CBFA2T3: variants seen among roughly 807,000 people sequenced by gnomAD.
CBFA2T3 encodes CBFA2/RUNX1 partner transcriptional co-repressor 3.
In CBFA2T3, 31 loss-of-function variants were observed where a neutral mutation model predicts 58.6. The ratio of observed to expected loss-of-function variants is 0.53; its 90% confidence interval spans 0.40 to 0.71. The LOEUF is 0.71. Ranked by LOEUF, CBFA2T3 falls within the 30% of genes least tolerant of loss-of-function variation. CBFA2T3 has a pLI of 0.00. For synonymous variants in CBFA2T3, 531 were observed against 421.9 expected (o/e 1.26, Z -3.17); for missense variants, 1,076 against 963.1 (o/e 1.12, Z -1.55).
In CBFA2T3 at chr16:88,876,585, CAT is replaced by C; in HGVS notation, c.*389_*390del. 3.8e-6 allele frequency: 1 copy of C among 261,172 alleles called. No individual in the cohort carries two copies. The highest frequency in any genetic ancestry group is 7.1e-6 in the Non-Finnish European group (1 of 139,978). The allele number at this position is 261,172 out of a possible 1,614,324, so 16.2% of individuals were successfully genotyped here. ...CATTGAAGAGAAAGTGTGTGATAGT[CAT>C]AGAGAGAGAGAGGATAGAGAAGACA... On this transcript the variant is annotated 3_prime_UTR_variant, in exon 12 of 12. Transcript: ENST00000268679.
chr16:88,951,468 A>G (rs1167284513), intron 1 of CBFA2T3: 15 of 378,110 alleles, frequency 4.0e-5, no homozygotes, highest in Admixed American at 2.5e-4. Flanking sequence ...GAATTTTCCT[A>G]TAAGTATTTT....
chr16:88,893,484 C>T (rs1452687673), intron 3 of CBFA2T3, among the ~76,000 whole-genome samples: 1 of 152,222 alleles, frequency 6.6e-6, no homozygotes, highest in Non-Finnish European at 1.5e-5. Flanking sequence ...TTCATTTGCA[C>T]ACAGCCCCAA....
At chr16:88,936,288 G>C (rs1338601664) in intron 1 of CBFA2T3, among the ~76,000 whole-genome samples, 1 of 152,196 alleles carries the variant, frequency 6.6e-6, no homozygotes, top group Admixed American at 6.5e-5. Context: ...CCCACCTGCT[G>C]CCTCCCCGGT....
chr16:88,974,825 C>G (rs1336875586), intron 1 of CBFA2T3, among the ~76,000 whole-genome samples: 1 of 152,082 alleles, frequency 6.6e-6, no homozygotes, highest in Non-Finnish European at 1.5e-5. Context: ...GGCTTTCTGG[C>G]ATCACAAGGC....
intron 5 of CBFA2T3, chr16:88,887,023 G>C (rs925126367): frequency 6.6e-6 from 1 of 152,284 alleles, no homozygotes; most frequent in Non-Finnish European, 1.5e-5. Context: ...GCTGCCGCGG[G>C]AGGGCGGACA....
At chr16:88,891,389 TCTC>T (rs1478369478) in intron 5 of CBFA2T3, among the ~76,000 whole-genome samples, 5 of 152,084 alleles carry the variant, frequency 3.3e-5, no homozygotes, top group East Asian at 1.9e-4. Flanking sequence ...TCGGAATACT[TCTC>T]CACCACGTGC....
At chr16:88,941,205 G>T in intron 1 of CBFA2T3, 1 of 979,208 alleles carries the variant, frequency 1.0e-6, no homozygotes, top group Non-Finnish European at 1.2e-6. Flanking sequence ...GGCCGCCTGG[G>T]CCATGCCGGG....
chr16:88,925,921 A>G (rs868286325), intron 1 of CBFA2T3, among the ~76,000 whole-genome samples: 30 of 152,292 alleles, frequency 2.0e-4, no homozygotes, highest in Middle Eastern at 3.4e-3. Context: ...GATGATTTTT[A>G]AAAGAGAGGC....
In CBFA2T3 at chr16:88,874,895, A is replaced by G. The variant is rs974442339; in HGVS notation, c.*2081T>C. 3 of 232,116 alleles carry G rather than the reference A, an allele frequency of 1.3e-5. No homozygotes were observed. In the Admixed American group the frequency reaches 1.7e-4, roughly 13 times the overall value. 14.4% of individuals were successfully genotyped at this position (232,116 alleles called of 1,614,324 possible). A position where few individuals can be genotyped will look rare whatever the true frequency, so the allele number is the denominator to read the frequency against. On this transcript the variant is annotated 3_prime_UTR_variant, in exon 12 of 12. Coordinates refer to ENST00000268679, the MANE Select transcript of CBFA2T3 (RefSeq NM_005187.6). ...TTTTTATTTGGCAAACATCTCGTTTATTACCATCATGAATATCATTTGGAC... is the reference window on the plus strand; with the variant it reads ...TTTTTATTTGGCAAACATCTCGTTTGTTACCATCATGAATATCATTTGGAC...
intron 2 of CBFA2T3, among the ~76,000 whole-genome samples, 197 bp from the exon 3 acceptor site, chr16:88,898,349 G>A (rs1259129339): frequency 6.6e-6 from 1 of 152,104 alleles, no homozygotes; most frequent in African/African-American, 2.4e-5. Flanking sequence ...GGAGGGGCCT[G>A]GGCAGGAGAC....
At position 88,875,777 on chromosome 16, in the gene CBFA2T3, A is replaced by G. The variant is rs977672954; in HGVS notation, c.*1199T>C. ...AAAGATTGTCACAGTTTTGTTTCGG[A>G]ATTATGCTCTCTCTGGGAAGAAAAC... is the stretch of plus-strand genomic sequence containing the variant. On this transcript the variant is annotated 3_prime_UTR_variant, in exon 12 of 12. Coordinates refer to ENST00000268679, the MANE Select transcript of CBFA2T3 (RefSeq NM_005187.6). The G allele has an allele frequency of 4.3e-6, 1 of 233,440 alleles. No homozygotes were observed. The highest frequency in any genetic ancestry group is 2.2e-5 in the African/African-American group (1 of 45,300). 14.5% of individuals were successfully genotyped at this position (233,440 alleles called of 1,614,324 possible). A position where few individuals can be genotyped will look rare whatever the true frequency, so the allele number is the denominator to read the frequency against.
At chr16:88,898,254 T>C in intron 2 of CBFA2T3, 102 bp from the exon 3 acceptor site, 1 of 892,490 alleles carries the variant, frequency 1.1e-6, no homozygotes, top group East Asian at 2.4e-5. Flanking sequence ...CTCAGAGTGA[T>C]TTTTGGTGGG....
At chr16:88,954,311 G>T (rs1257138140) in intron 1 of CBFA2T3, among the ~76,000 whole-genome samples, 1 of 151,774 alleles carries the variant, frequency 6.6e-6, no homozygotes, top group African/African-American at 2.4e-5. Context: ...CCCACCCAAG[G>T]GTCCTGACCC....
In CBFA2T3 at chr16:88,918,838, T is replaced by TCG. The variant is rs559365858; in HGVS notation, c.152-17184_152-17183dup. 4.1e-3 allele frequency among the ~76,000 whole-genome samples: 630 copies of TCG among 152,210 alleles called. 5 individuals are homozygous for TCG. The highest frequency in any genetic ancestry group is 0.015 in the African/African-American group (604 of 41,534). On this transcript the variant is annotated intron_variant, in intron 1 of 11. Coordinates refer to ENST00000268679, the MANE Select transcript of CBFA2T3 (RefSeq NM_005187.6). ...CCTCCAGGGTTGGTGCTGAGAGAGGTCGGAGCTGCAGGCTCGCCGGGTTAT... is the reference window on the plus strand; with the variant it reads ...CCTCCAGGGTTGGTGCTGAGAGAGGTCGCGGAGCTGCAGGCTCGCCGGGTTAT...
At chr16:88,906,735 C>CG (rs1970351151) in intron 1 of CBFA2T3, among the ~76,000 whole-genome samples, 1 of 152,202 alleles carries the variant, frequency 6.6e-6, no homozygotes, top group African/African-American at 2.4e-5. Flanking sequence ...ACTTTCTAGA[C>CG]GGGGAAACTG....
intron 8 of CBFA2T3, among the ~76,000 whole-genome samples, chr16:88,882,157 G>A (rs11643470): frequency 6.6e-6 from 1 of 152,256 alleles, no homozygotes; most frequent in Admixed American, 6.5e-5. Flanking sequence ...GAAGGACCCA[G>A]CCGCTGCGCA....
At chr16:88,950,249 T>A (rs911781836) in intron 1 of CBFA2T3, 1 of 438,026 alleles carries the variant, frequency 2.3e-6, no homozygotes, top group African/African-American at 2.1e-5. Context: ...TTGGCACCTG[T>A]CTTCCAGGTC....
chr16:88,889,944 C>T (rs563457149), intron 5 of CBFA2T3, among the ~76,000 whole-genome samples: 11 of 146,216 alleles, frequency 7.5e-5, no homozygotes, highest in African/African-American at 2.6e-4. Flanking sequence ...GGGACGACGC[C>T]GTGCGATTCC....
At chr16:88,937,978 G>C (rs1332215808) in intron 1 of CBFA2T3, 1 of 152,268 alleles carries the variant, frequency 6.6e-6, no homozygotes, top group Non-Finnish European at 1.5e-5. Flanking sequence ...GCCGGGCAAT[G>C]TTCCAGTGGC....
Sources: gnomAD v4.1 joint callset for allele counts (sites outside exome capture counted in the v4.1 genomes callset) on GRCh38, gnomAD v4.1.1 for gene constraint, MANE v1.5 for transcripts, NCBI Gene and HGNC (gene_info 2026-07-23, HGNC 2026-07-21) for gene names.